Variants in PRDM15 observed in about 807,000 individuals in gnomAD.
PRDM15 encodes the protein PR/SET domain 15.
PRDM15 carries 64 observed loss-of-function variants against 128.6 expected under a neutral mutation model. That is an observed-to-expected ratio of 0.50 (90% CI 0.41 to 0.61). PRDM15 has a LOEUF of 0.61. Among genes scored for constraint, PRDM15 ranks in the 20% least tolerant of loss-of-function variants. The pLI, the probability that PRDM15 is intolerant of heterozygous loss-of-function variation, is 0.00. For synonymous variants in PRDM15, 615 were observed against 621.8 expected, an observed-to-expected ratio of 0.99 and a Z score of 0.16; for missense variants, 1,242 against 1,569.1, an observed-to-expected ratio of 0.79 and a Z score of 3.52.
At chr21:41,834,496 A>G (rs1429351996) in intron 11 of PRDM15, 1 of 1,550,090 alleles carries the variant, frequency 6.5e-7, no homozygotes, top group Non-Finnish European at 8.7e-7. Context: ...GTGGGCGTCG[A>G]AGGCTAACCT....
At chr21:41,867,412 T>C (rs1164580809) in intron 1 of PRDM15, 1 of 1,473,678 alleles carries the variant, frequency 6.8e-7, no homozygotes, top group Admixed American at 1.7e-5. Flanking sequence ...GCTGAGGCTC[T>C]ACACACTTCA....
At chr21:41,855,101 T>A (rs992700287) in intron 4 of PRDM15, among the ~76,000 whole-genome samples, 1 of 152,110 alleles carries the variant, frequency 6.6e-6, no homozygotes, top group African/African-American at 2.4e-5. Context: ...ACGGCCCAGG[T>A]GCGGAACTCA....
At chr21:41,835,963 GCCCCCGCC>G in intron 10 of PRDM15, 142 bp downstream of exon 10, 1 of 115,682 alleles carries the variant, frequency 8.6e-6, no homozygotes, top group Non-Finnish European at 1.7e-5. Context: ...CTCCCCCACA[GCCCCCGCC>G]CACTCTCCTC....
At position 41,820,128 on chromosome 21, in the gene PRDM15, C is replaced by T; in HGVS notation, c.2107G>A (p.Gly703Arg). The stretch of plus-strand genomic sequence containing the variant: ...ATGAGCTTGTGGCGCTCCAGGTTCC[C>T]GATGCTGTTGAAGATCCGCCCGCAG... ...EICGRIFNSIGNLERHKLIHT... is the reference protein window; with the variant it reads ...EICGRIFNSIRNLERHKLIHT... Residue 703 changes from glycine (G) to arginine (R), a missense_variant, in exon 17 of 24, where the codon GGG becomes AGG. Gly to Arg is a moderately radical substitution (Grantham distance 125). Transcript: ENST00000398548. 1.2e-6 allele frequency: 2 copies of T among 1,613,810 alleles called. No individual in the cohort carries two copies. Among genetic ancestry groups the T allele is most frequent in the East Asian group, 2.2e-5 (1 of 44,852 alleles).
chr21:41,839,603 C>T lies in PRDM15; in HGVS notation c.871+20G>A, dbSNP rs2063007115. ...GGCTGCGCCCCACGCAGGCACTCAT[C>T]CCCGGGACCCGCTCATCACCTGTGG... On this transcript the variant is annotated intron_variant, in intron 7 of 23. Coordinates refer to ENST00000398548, the MANE Select transcript of PRDM15 (RefSeq NM_001040424.3). 1.9e-6 allele frequency: 3 copies of T among 1,602,916 alleles called. No homozygotes were observed. Among genetic ancestry groups the T allele is most frequent in the Non-Finnish European group, 2.6e-6 (3 of 1,172,466 alleles).
intron 21 of PRDM15, among the ~76,000 whole-genome samples, chr21:41,809,523 G>A (rs934638066): frequency 1.3e-5 from 2 of 152,142 alleles, no homozygotes; most frequent in African/African-American, 4.8e-5. Flanking sequence ...GAGCCACCGT[G>A]CCCGGCCCAG....
In PRDM15 at chr21:41,801,043, C is replaced by T; in HGVS notation, c.*197G>A. The T allele has an allele frequency of 1.4e-6, 1 of 701,400 alleles. No individual in the cohort carries two copies. Among genetic ancestry groups the T allele is most frequent in the South Asian group, 2.8e-5 (1 of 35,912 alleles). 43.4% of individuals were successfully genotyped at this position (701,400 alleles called of 1,614,324 possible). ...GCCCCATCCAGTTTAAAACTCTGGCCTGCCAGAGGTCCCTTCTAGAGTTAA... is the reference window on the plus strand; with the variant it reads ...GCCCCATCCAGTTTAAAACTCTGGCTTGCCAGAGGTCCCTTCTAGAGTTAA... On this transcript the variant is annotated 3_prime_UTR_variant, in exon 24 of 24. Transcript: ENST00000398548.
intron 6 of PRDM15, among the ~76,000 whole-genome samples, chr21:41,844,253 A>T (rs1242806833): frequency 6.6e-6 from 1 of 152,062 alleles, no homozygotes; most frequent in Non-Finnish European, 1.5e-5. Context: ...CCCGTCTGTC[A>T]TGTGGCTCTG....
chr21:41,861,053 C>T (rs1053091572), intron 1 of PRDM15, among the ~76,000 whole-genome samples: 1 of 152,150 alleles, frequency 6.6e-6, no homozygotes, highest in Non-Finnish European at 1.5e-5. Context: ...TCACTGCAGC[C>T]TCTACCTGCT....
In PRDM15 at chr21:41,857,229, A is replaced by T. The variant is rs2063662702; in HGVS notation, c.232T>A (p.Phe78Ile). ...CATTTGGCGACCCTCCTGGACTCAA[A>T]GGGACCGAACTGTGTCCGCTTGACG... is the stretch of plus-strand genomic sequence containing the variant. Reference protein sequence around the residue: ...QLVKRTQFGPFESRRVAKWEK... With the variant: ...QLVKRTQFGPIESRRVAKWEK... The change falls in exon 4 of 24, where the codon TTT (phenylalanine) becomes ATT (isoleucine). Residue 78 changes from phenylalanine to isoleucine, a missense_variant. Physicochemically the swap from Phe to Ile is conservative, Grantham distance 21. Around this residue, in one of 3 missense-constraint regions of PRDM15, gnomAD observed 612 missense variants for 717.0 expected, o/e 0.85. Coordinates refer to ENST00000398548, the MANE Select transcript of PRDM15 (RefSeq NM_001040424.3). 2 of 1,613,800 alleles carry T rather than the reference A, an allele frequency of 1.2e-6. No homozygotes were observed. The highest frequency in any genetic ancestry group is 2.2e-5 in the South Asian group (2 of 91,068).
intron 19 of PRDM15, among the ~76,000 whole-genome samples, chr21:41,815,171 T>A (rs2062008333): frequency 6.6e-6 from 1 of 151,712 alleles, no homozygotes; most frequent in African/African-American, 2.4e-5. Flanking sequence ...CTTGGCCTTG[T>A]GTTAGAGATG....
intron 14 of PRDM15, 89 bp from the exon 15 acceptor site, chr21:41,822,126 C>T (rs2062298182): frequency 2.5e-6 from 4 of 1,568,646 alleles, no homozygotes; most frequent in Non-Finnish European, 3.5e-6. Context: ...AATCATTTCC[C>T]CAGATGCAGA....
At position 41,854,255 on chromosome 21, in the gene PRDM15, G is replaced by T. The variant is rs747891395; in HGVS notation, c.538+311C>A. Among the ~76,000 whole-genome samples, 1 of 152,088 alleles carries T rather than the reference G, an allele frequency of 6.6e-6. No individual in the cohort carries two copies. Reference sequence around the variant, plus strand: ...AGCAGGCCAGGCCATCAAGGTGCGCGAGAGTGCGCTCTACCATGCACTCAT... The same window carrying T: ...AGCAGGCCAGGCCATCAAGGTGCGCTAGAGTGCGCTCTACCATGCACTCAT... On this transcript the variant is annotated intron_variant, in intron 5 of 23. Transcript: ENST00000398548. This position sits in a 1 kb window ranked among gnomAD's most constrained non-coding sequence, Gnocchi z 4.6.
At position 41,841,910 on chromosome 21, in the gene PRDM15, T is replaced by C. The variant is rs531559943; in HGVS notation, c.641-2057A>G. Among the ~76,000 whole-genome samples, 32 of 152,354 alleles carry C rather than the reference T, an allele frequency of 2.1e-4. No homozygotes were observed. The South Asian group carries it at 6.4e-3, about 31-fold the overall frequency. ...CTTATTATTAGACTATGTTATTAAG[T>C]GCATATAAACTCAGATGCACTGTAT... On this transcript the variant is annotated intron_variant, in intron 6 of 23. Transcript: ENST00000398548.
At chr21:41,804,823 C>A in intron 21 of PRDM15, 2 of 459,192 alleles carry the variant, frequency 4.4e-6, no homozygotes, top group Admixed American at 4.0e-5. Flanking sequence ...TTATTTCATG[C>A]TCCCACAATG....
chr21:41,831,089 A>T (rs906745393), intron 11 of PRDM15, among the ~76,000 whole-genome samples: 1 of 152,266 alleles, frequency 6.6e-6, no homozygotes, highest in African/African-American at 2.4e-5. Context: ...AGCAGACTGC[A>T]CTTCTGGGCC....
At chr21:41,831,262 G>T (rs1217175478) in intron 11 of PRDM15, among the ~76,000 whole-genome samples, 2 of 152,244 alleles carry the variant, frequency 1.3e-5, no homozygotes, top group Non-Finnish European at 2.9e-5. Context: ...GGGTCCCCCT[G>T]TCTAGGGTTT....
intron 13 of PRDM15, among the ~76,000 whole-genome samples, chr21:41,824,236 G>C (rs2062387911): frequency 6.6e-6 from 1 of 152,222 alleles, no homozygotes; most frequent in South Asian, 2.1e-4. Context: ...GAGGATGCCG[G>C]CATCTCCAGG....
Position 41,859,871 on chromosome 21 carries a change from T to C in PRDM15, c.38-186A>G, listed in dbSNP as rs529729520. ...GCAGAAGGCCTGTGTCCCGAAGGCCTCTGTCAGCACTCGTGCACACATGAG... is the reference window on the plus strand; with the variant it reads ...GCAGAAGGCCTGTGTCCCGAAGGCCCCTGTCAGCACTCGTGCACACATGAG... On this transcript the variant is annotated intron_variant, in intron 2 of 23. Transcript: ENST00000398548. The surrounding 1 kb of genome is among the most constrained non-coding windows in gnomAD (Gnocchi z 5.3). Among the ~76,000 whole-genome samples the C allele has an allele frequency of 6.6e-6, 1 of 152,238 alleles. No individual in the cohort carries two copies. The highest frequency in any genetic ancestry group is 1.9e-4 in the East Asian group (1 of 5,156).
Sources: gnomAD v4.1 joint callset for allele counts (sites outside exome capture counted in the v4.1 genomes callset) on GRCh38, gnomAD v4.1.1 for gene constraint, gnomAD v4.1.1 regional missense constraint, Gnocchi (gnomAD v3.1) non-coding constraint, MANE v1.5 for transcripts, NCBI Gene and HGNC (gene_info 2026-07-23, HGNC 2026-07-21) for gene names.